NOTCH3: variants seen among roughly 807,000 people sequenced by gnomAD.
NOTCH3 encodes neurogenic locus notch homolog protein 3.
NOTCH3 carries 86 observed loss-of-function variants against 213.3 expected under a neutral mutation model. That is an observed-to-expected ratio of 0.40 (90% CI 0.34 to 0.48). The LOEUF is 0.48. Among genes scored for constraint, NOTCH3 ranks in the 20% least tolerant of loss-of-function variants. The pLI, the probability that NOTCH3 is intolerant of heterozygous loss-of-function variation, is 0.57. For synonymous variants in NOTCH3, 1,354 were observed against 1,355.9 expected, an observed-to-expected ratio of 1.00 and a Z score of 0.03; for missense variants, 2,783 against 3,272.6, an observed-to-expected ratio of 0.85 and a Z score of 3.65.
chr19:15,176,496 C>T (rs1341906639), intron 24 of NOTCH3, among the ~76,000 whole-genome samples: 1 of 151,932 alleles, frequency 6.6e-6, no homozygotes, highest in Non-Finnish European at 1.5e-5. Context: ...TGTGGTGGCT[C>T]AGGCCCACAA....
In NOTCH3 at chr19:15,181,655, C is replaced by T. The variant is rs997452945; in HGVS notation, c.2713G>A (p.Val905Met). 4 of 1,552,650 alleles carry T rather than the reference C, an allele frequency of 2.6e-6. No homozygotes were observed. In the African/African-American group the frequency reaches 5.5e-5, roughly 21 times the overall value. The change falls in exon 17 of 33, where the codon GTG becomes ATG. Residue 905 changes from valine (V) to methionine (M), a missense_variant. Physicochemically the swap from Val to Met is conservative, Grantham distance 21. Transcript: ENST00000263388. ...PCGPGTCTDH[V>M]ASFTCTCPPG... is the part of the protein sequence containing the mutation. ...GGGCAGGTGCAGGTGAAGGAGGCCA[C>T]GTGGTCGGTACAGGTGCCCGGGCCG...
chr19:15,195,276 T>TG lies in NOTCH3; in HGVS notation c.197+2223dup, dbSNP rs984702829. Among the ~76,000 whole-genome samples the TG allele has an allele frequency of 9.2e-5, 14 of 152,058 alleles. No homozygotes were observed. The South Asian group carries it at 2.7e-3, about 29-fold the overall frequency. On this transcript the variant is annotated intron_variant, in intron 2 of 32. Transcript: ENST00000263388. ...GACACCACTGTTGGTACCCTCATCT[T>TG]GGGGGGGTGGTCCTTCAACCTGCAG...
In NOTCH3 at chr19:15,187,234, C is replaced by T; in HGVS notation, c.1711G>A (p.Ala571Thr). 1.2e-6 allele frequency: 2 copies of T among 1,614,124 alleles called. No homozygotes were observed. The highest frequency in any genetic ancestry group is 1.7e-6 in the Non-Finnish European group (2 of 1,180,032). The change falls in exon 11 of 33, where the codon GCT becomes ACT. Residue 571 changes from alanine to threonine, a missense_variant. By Grantham distance (58) the Ala-to-Thr change is moderately conservative. Around this residue, in one of 6 missense-constraint regions of NOTCH3, gnomAD observed 708 missense variants for 906.6 expected, o/e 0.78. Transcript: ENST00000263388. ...DGIASFSCAC[A>T]PGYTGTRCES... is the part of the protein sequence containing the mutation. ...CAGCGTGTGCCCGTGTAGCCAGGAG[C>T]ACAGGCACATGAGAAGCTGGCGATG...
intron 32 of NOTCH3, 108 bp from the exon 33 acceptor site, chr19:15,161,822 G>A: frequency 1.1e-6 from 1 of 935,614 alleles, no homozygotes; most frequent in Non-Finnish European, 1.6e-6. Context: ...ACTGGAGCTT[G>A]ACAGACCTGG....
chr19:15,171,858 C>T (rs1023258340), intron 25 of NOTCH3, among the ~76,000 whole-genome samples: 5 of 151,404 alleles, frequency 3.3e-5, no homozygotes, highest in East Asian at 1.9e-4. Flanking sequence ...TTAGTAGAGA[C>T]GGGGTTTCAC....
Position 15,160,734 on chromosome 19 carries a change from G to T in NOTCH3, c.6894C>A (p.Ser2298Arg), listed in dbSNP as rs758304248. Residue 2298 changes from serine (S) to arginine (R), a missense_variant, in exon 33 of 33, where the codon AGC becomes AGA. Coordinates refer to ENST00000263388, the MANE Select transcript of NOTCH3 (RefSeq NM_000435.3). ...PAQPLPLSVPSSLAQAQTQLG... is the reference protein window; with the variant it reads ...PAQPLPLSVPRSLAQAQTQLG... ...GCTGGGTCTGGGCCTGAGCAAGGGA[G>T]CTGGGAACAGACAAGGGAAGTGGCT... 1 of 1,614,218 alleles carries T rather than the reference G, an allele frequency of 6.2e-7. No homozygotes were observed. The highest frequency in any genetic ancestry group is 8.5e-7 in the Non-Finnish European group (1 of 1,180,028).
At chr19:15,172,404 C>T (rs2046741925) in intron 25 of NOTCH3, among the ~76,000 whole-genome samples, 1 of 152,156 alleles carries the variant, frequency 6.6e-6, no homozygotes, top group African/African-American at 2.4e-5. Flanking sequence ...CCCTCAGACT[C>T]TGCAAGCTCC....
At chr19:15,176,555 T>C (rs2046791270) in intron 24 of NOTCH3, among the ~76,000 whole-genome samples, 1 of 151,694 alleles carries the variant, frequency 6.6e-6, no homozygotes, top group Non-Finnish European at 1.5e-5. Flanking sequence ...TGAGCTCAGG[T>C]GTTCAAGACT....
chr19:15,173,239 C>T (rs1350778793), intron 25 of NOTCH3, among the ~76,000 whole-genome samples: 1 of 148,034 alleles, frequency 6.8e-6, no homozygotes, highest in African/African-American at 2.5e-5. Flanking sequence ...GGCTAACACA[C>T]TGAAACCCCG....
Position 15,185,029 on chromosome 19 carries a change from G to A in NOTCH3, c.2297-10C>T. On this transcript the variant is annotated splice_polypyrimidine_tract_variant and intron_variant, in intron 14 of 32. Coordinates refer to ENST00000263388, the MANE Select transcript of NOTCH3 (RefSeq NM_000435.3). The surrounding 1 kb of genome is among the most constrained non-coding windows in gnomAD (Gnocchi z 4.2). ...AGTTCACACTGACGTCCTGTTGGGGGTGGAAGAGAGGGAAGCAGAGATAGC... is the reference window on the plus strand; with the variant it reads ...AGTTCACACTGACGTCCTGTTGGGGATGGAAGAGAGGGAAGCAGAGATAGC... The A allele has an allele frequency of 7.0e-7, 1 of 1,427,476 alleles. No individual in the cohort carries two copies. The highest frequency in any genetic ancestry group is 2.5e-5 in the East Asian group (1 of 40,064). The allele number at this position is 1,427,476 out of a possible 1,614,324, so 88.4% of individuals were successfully genotyped here.
In NOTCH3 at chr19:15,185,748, A is replaced by T; in HGVS notation, c.1952-69T>A. 6.6e-7 allele frequency: 1 copy of T among 1,509,680 alleles called. No individual in the cohort carries two copies. The highest frequency in any genetic ancestry group is 9.1e-7 in the Non-Finnish European group (1 of 1,095,468). 93.5% of individuals were successfully genotyped at this position (1,509,680 alleles called of 1,614,324 possible). On this transcript the variant is annotated intron_variant, in intron 12 of 32. Coordinates refer to ENST00000263388, the MANE Select transcript of NOTCH3 (RefSeq NM_000435.3). This position sits in a 1 kb window ranked among gnomAD's most constrained non-coding sequence, Gnocchi z 4.2. ...GGGACAACCAGGGAGGGACGACGTG[A>T]CCCCACTTAGCACACCCACACCCCC...
chr19:15,180,279 G>A (rs2046828616), intron 19 of NOTCH3, 23 bp from the exon 20 acceptor site: 1 of 1,612,568 alleles, frequency 6.2e-7, no homozygotes. Flanking sequence ...GAGTGGCACA[G>A]GAACAGAGGT....
chr19:15,160,489 C>T lies in NOTCH3; in HGVS notation c.*173G>A. Reference sequence around the variant, plus strand: ...CCCACCCATTATAAATAAAGGAAGACTGAAGCCCTGGGCTGATGACCTATC... The same window carrying T: ...CCCACCCATTATAAATAAAGGAAGATTGAAGCCCTGGGCTGATGACCTATC... On this transcript the variant is annotated 3_prime_UTR_variant, in exon 33 of 33. Transcript: ENST00000263388. The T allele has an allele frequency of 4.5e-6, 3 of 672,296 alleles. No homozygotes were observed. Among genetic ancestry groups the T allele is most frequent in the East Asian group, 2.7e-5 (1 of 37,406 alleles). 41.6% of individuals were successfully genotyped at this position (672,296 alleles called of 1,614,324 possible).
rs758997426 is a variant in NOTCH3 at position 15,186,958 on chromosome 19, C to G, written c.1871G>C (p.Cys624Ser). Residue 624 changes from cysteine (C) to serine (S), a missense_variant, in exon 12 of 33, where the codon TGT becomes TCT. Around this residue, in one of 6 missense-constraint regions of NOTCH3, gnomAD observed 708 missense variants for 906.6 expected, o/e 0.78. Transcript: ENST00000263388. ...GVNCEVNIDDCASNPCTFGVC... is the reference protein window; with the variant it reads ...GVNCEVNIDDSASNPCTFGVC... ...TCCAAAGGTGCAGGGGTTGCTGGCA[C>G]AGTCGTCAATGTTCACTTCGCAGTT... 6.2e-7 allele frequency: 1 copy of G among 1,614,222 alleles called. No homozygotes were observed. The highest frequency in any genetic ancestry group is 1.1e-5 in the South Asian group (1 of 91,084).
At position 15,167,154 on chromosome 19, in the gene NOTCH3, C is replaced by T. The variant is rs1023295439; in HGVS notation, c.5362+95G>A. On this transcript the variant is annotated intron_variant, in intron 29 of 32. Coordinates refer to ENST00000263388, the MANE Select transcript of NOTCH3 (RefSeq NM_000435.3). The stretch of plus-strand genomic sequence containing the variant: ...CACACCCTTCACAGAAGCTTAGAGA[C>T]TCCCCCAGTTCTCCCCAAAACACAG... 4 of 1,357,304 alleles carry T rather than the reference C, an allele frequency of 2.9e-6. No homozygotes were observed. In the Admixed American group the frequency reaches 5.2e-5, roughly 18 times the overall value. The allele number at this position is 1,357,304 out of a possible 1,614,324, so 84.1% of individuals were successfully genotyped here.
chr19:15,161,016 CG>C lies in NOTCH3; in HGVS notation c.6611del (p.Pro2204ArgfsTer42). ...CCAGGTAAGGCGGGGGCCGCTCCTG[CG>C]GGGAGACGGGGGTCCCTGGGTTGAG... ...QLLNPGTPVS[P>X]QERPPPYLAV... On this transcript the variant is annotated frameshift_variant, in exon 33 of 33. Coordinates refer to ENST00000263388, the MANE Select transcript of NOTCH3 (RefSeq NM_000435.3). LOFTEE classifies it low-confidence loss of function (END_TRUNC). The C allele has an allele frequency of 6.5e-7, 1 of 1,534,938 alleles. No homozygotes were observed. Among genetic ancestry groups the C allele is most frequent in the Admixed American group, 1.9e-5 (1 of 51,378 alleles).
chr19:15,181,255 C>T (rs2046839325), intron 17 of NOTCH3, 93 bp from the exon 18 acceptor site: 11 of 1,167,444 alleles, frequency 9.4e-6, no homozygotes, highest in Non-Finnish European at 1.4e-5. Flanking sequence ...CTGGGGACGT[C>T]CCACTCCCTG....
At chr19:15,171,716 G>C (rs1300657600) in intron 25 of NOTCH3, among the ~76,000 whole-genome samples, 1 of 152,210 alleles carries the variant, frequency 6.6e-6, no homozygotes, top group African/African-American at 2.4e-5. Context: ...CTGTCGACAG[G>C]CTGGAGTGCA....
Position 15,170,357 on chromosome 19 carries a change from G to C in NOTCH3, c.5088C>G (p.Pro1696=). 6.2e-7 allele frequency: 1 copy of C among 1,613,574 alleles called. No homozygotes were observed. Among genetic ancestry groups the C allele is most frequent in the Non-Finnish European group, 8.5e-7 (1 of 1,179,994 alleles). ...VASGHKGRRE[P]VGQDALGMKN... ...TCATGCCCAGCGCGTCCTGGCCCAC[G>C]GGTTCCCGCCGGCCCTTGTGACCAG... is the stretch of plus-strand genomic sequence containing the variant. Residue 1696 remains proline, a synonymous_variant, in exon 27 of 33, where the codon CCC becomes CCG. Coordinates refer to ENST00000263388, the MANE Select transcript of NOTCH3 (RefSeq NM_000435.3).
Sources: gnomAD v4.1 joint callset for allele counts (sites outside exome capture counted in the v4.1 genomes callset) on GRCh38, gnomAD v4.1.1 for gene constraint, gnomAD v4.1.1 regional missense constraint, Gnocchi (gnomAD v3.1) non-coding constraint, MANE v1.5 for transcripts, NCBI Gene and HGNC (gene_info 2026-07-23, HGNC 2026-07-21) for gene names.